Variants in PALM2AKAP2 observed in about 807,000 individuals in gnomAD.
PALM2AKAP2 encodes the protein PALM2-AKAP2 fusion protein.
A neutral mutation model predicts 71.5 loss-of-function variants in PALM2AKAP2; 37 were observed. The ratio of observed to expected loss-of-function variants is 0.52; its 90% CI spans 0.40 to 0.68. PALM2AKAP2 has a LOEUF of 0.68. Ranked by LOEUF, PALM2AKAP2 falls within the 30% of genes least tolerant of loss-of-function variation. PALM2AKAP2 has a pLI of 0.00. For synonymous variants in PALM2AKAP2, 468 were observed against 478.8 expected (o/e 0.98, Z 0.29); for missense variants, 1,224 against 1,191.8 (o/e 1.03, Z -0.40).
rs554060532 is a variant in PALM2AKAP2, at chr9:109,985,716, C to T, written c.497-30238C>T. On this transcript the variant is annotated intron_variant, in intron 6 of 9. Transcript: ENST00000302798. ...CCAGGCTGGAGTGCAGTGGTGTGAT[C>T]TCTGCTCACTGCAACCTTCGCCTCC... Among the ~76,000 whole-genome samples, 13 of 145,804 alleles carry T rather than the reference C, an allele frequency of 8.9e-5. No homozygotes were observed. The South Asian group carries it at 1.3e-3, about 15-fold the overall frequency.
exon 2 of PALM2AKAP2, chr9:110,137,362 T>G: frequency 1.2e-6 from 2 of 1,614,202 alleles, no homozygotes; most frequent in Non-Finnish European, 1.7e-6. Context: ...GACCACCTTC[T>G]GTCGGGGGAC....
chr9:109,928,604 A>G (rs991331753), intron 5 of PALM2AKAP2, among the ~76,000 whole-genome samples: 4 of 151,322 alleles, frequency 2.6e-5, no homozygotes, highest in Admixed American at 1.3e-4. Context: ...GTACTTAATC[A>G]TATATTGAGG....
chr9:110,004,443 C>T (rs925314748), intron 6 of PALM2AKAP2, among the ~76,000 whole-genome samples: 7 of 152,200 alleles, frequency 4.6e-5, no homozygotes, highest in Non-Finnish European at 1.5e-5. Context: ...CCTGACCTTT[C>T]TCTCTGGCTG....
intron 1 of PALM2AKAP2, among the ~76,000 whole-genome samples, chr9:109,670,541 C>T (rs1323733637): frequency 6.6e-6 from 1 of 152,102 alleles, no homozygotes; most frequent in East Asian, 1.9e-4. Context: ...TAGGTTGATT[C>T]CATTTCTTTG....
chr9:109,733,589 G>C (rs947982170), intron 1 of PALM2AKAP2, among the ~76,000 whole-genome samples: 2 of 152,128 alleles, frequency 1.3e-5, no homozygotes, highest in African/African-American at 4.8e-5. Flanking sequence ...CCTTGTTTAT[G>C]GAATGACATT....
intron 1 of PALM2AKAP2, among the ~76,000 whole-genome samples, chr9:109,796,326 A>C (rs10980046): frequency 0.18 from 27,225 of 152,198 alleles, 2,838 homozygotes; most frequent in East Asian, 0.34. Context: ...ATAACATGGG[A>C]TTTGATTGAT....
At chr9:110,133,545 A>G (rs1056386775) in intron 1 of PALM2AKAP2, among the ~76,000 whole-genome samples, 1 of 152,186 alleles carries the variant, frequency 6.6e-6, no homozygotes, top group Non-Finnish European at 1.5e-5. Flanking sequence ...TTCCTTTACT[A>G]TTACGTTGCC....
intron 1 of PALM2AKAP2, among the ~76,000 whole-genome samples, chr9:109,729,599 C>T (rs185874120): frequency 6.2e-4 from 95 of 152,282 alleles, no homozygotes; most frequent in African/African-American, 2.2e-3. Flanking sequence ...CCAACAGCCC[C>T]TTGGTAGAGG....
Position 110,038,929 on chromosome 9 carries a change from C to T in PALM2AKAP2, c.582+22890C>T, listed in dbSNP as rs978180544. 3.4e-4 allele frequency among the ~76,000 whole-genome samples: 7 copies of T among 20,452 alleles called. No individual in the cohort carries two copies. In the East Asian group the frequency reaches 7.2e-3, roughly 21 times the overall value. 13.4% of individuals were successfully genotyped at this position (20,452 alleles called of 152,430 possible). On this transcript the variant is annotated intron_variant, in intron 7 of 9. Transcript: ENST00000302798. ...CCAGCCTGGCAACAAGAGCAAAACT[C>T]GGTCTCAAAAAAAAAAAAAAAAATT...
intron 1 of PALM2AKAP2, among the ~76,000 whole-genome samples, chr9:109,753,977 C>G (rs1293001381): frequency 6.6e-6 from 1 of 152,108 alleles, no homozygotes; most frequent in African/African-American, 2.4e-5. Context: ...CTGTCAACAC[C>G]TTGGCATATG....
At position 109,931,981 on chromosome 9, in the gene PALM2AKAP2, G is replaced by A. The variant is rs369150990; in HGVS notation, c.449G>A (p.Arg150Gln). The A allele has an allele frequency of 4.4e-5, 71 of 1,614,030 alleles. No individual in the cohort carries two copies. Among genetic ancestry groups the A allele is most frequent in the Middle Eastern group, 3.3e-4 (2 of 6,060 alleles). Residue 150 changes from arginine (R) to glutamine (Q), a missense_variant, in exon 6 of 10, where the codon CGA becomes CAA. Physicochemically the swap from Arg to Gln is conservative, Grantham distance 43 (BLOSUM62 1). Transcript: ENST00000302798. ...CCCGACCTGCCAATCCTCTGTTCAC[G>A]AACAGCAGAACCATCACCTGGGCAG...
At position 109,723,896 on chromosome 9, in the gene PALM2AKAP2, G is replaced by A. The variant is rs369759033; in HGVS notation, c.6-56592G>A. ...GTACTAAATATATATTTGTTGTATA[G>A]GAAAACAAATCAATGTTGGAAATGG... On this transcript the variant is annotated intron_variant, in intron 1 of 6. Transcript: ENST00000374531. Among the ~76,000 whole-genome samples, 7 of 152,240 alleles carry A rather than the reference G, an allele frequency of 4.6e-5. No individual in the cohort carries two copies. In the South Asian group the frequency reaches 1.5e-3, roughly 32 times the overall value.
chr9:109,795,737 A>G lies in PALM2AKAP2; in HGVS notation c.45+15204A>G, dbSNP rs1827234909. On this transcript the variant is annotated intron_variant, in intron 1 of 9. Coordinates refer to the PALM2AKAP2 transcript ENST00000302798. ...ATTTCTGCGGAGATTCACTATAGTCAGGCCTTAGGCTGGTGCTGTAGTTCA... is the reference window on the plus strand; with the variant it reads ...ATTTCTGCGGAGATTCACTATAGTCGGGCCTTAGGCTGGTGCTGTAGTTCA... Among the ~76,000 whole-genome samples, 7 of 152,238 alleles carry G rather than the reference A, an allele frequency of 4.6e-5. No homozygotes were observed. In the South Asian group the frequency reaches 1.4e-3, roughly 31 times the overall value.
intron 1 of PALM2AKAP2, among the ~76,000 whole-genome samples, chr9:109,737,740 C>G (rs2118676430): frequency 6.6e-6 from 1 of 152,300 alleles, no homozygotes; most frequent in African/African-American, 2.4e-5. Flanking sequence ...CATTGTTTAG[C>G]AAATATGTAA....
chr9:110,135,299 C>CAAAAAA (rs71373970), intron 1 of PALM2AKAP2, among the ~76,000 whole-genome samples: 4 of 7,250 alleles, frequency 5.5e-4, no homozygotes, highest in African/African-American at 2.2e-3. Context: ...AATCCCATCT[C>CAAAAAA]AAAAAAAAAA....
At chr9:110,150,139 C>A (rs536439583) in intron 2 of PALM2AKAP2, among the ~76,000 whole-genome samples, 3 of 152,230 alleles carry the variant, frequency 2.0e-5, no homozygotes, top group Non-Finnish European at 4.4e-5. Context: ...AGCTTCTCTC[C>A]CCACCATGTG....
intron 6 of PALM2AKAP2, among the ~76,000 whole-genome samples, chr9:110,004,776 A>G (rs1408488699): frequency 6.6e-6 from 1 of 151,880 alleles, no homozygotes; most frequent in Non-Finnish European, 1.5e-5. Context: ...CATTTCATTC[A>G]TTTGCTCTTC....
chr9:109,837,118 G>A (rs1828502860), intron 1 of PALM2AKAP2, among the ~76,000 whole-genome samples: 1 of 152,160 alleles, frequency 6.6e-6, no homozygotes. Context: ...AATGTTAAGG[G>A]CAGCCAGAGA....
chr9:109,892,924 A>T (rs1222903869), intron 3 of PALM2AKAP2, among the ~76,000 whole-genome samples: 1 of 152,196 alleles, frequency 6.6e-6, no homozygotes, highest in Non-Finnish European at 1.5e-5. Flanking sequence ...GAATGATATG[A>T]CAATGTACAA....
Sources: allele counts gnomAD v4.1 joint callset (sites outside exome capture counted in the v4.1 genomes callset), GRCh38; gene constraint gnomAD v4.1.1; transcripts MANE v1.5; gene names NCBI Gene and HGNC (gene_info 2026-07-23, HGNC 2026-07-21).